HELLS: variants seen among roughly 807,000 people sequenced by gnomAD.
HELLS encodes helicase, lymphoid specific.
Under a neutral mutation model 120.0 loss-of-function variants are expected in HELLS, and 32 were observed. The observed-to-expected ratio is 0.27, with a 90% CI of 0.20 to 0.36. HELLS has a LOEUF of 0.36. HELLS is among the 10% of genes least tolerant of loss of function. The pLI is 1.00. For synonymous variants in HELLS, 341 were observed against 323.4 expected (o/e 1.05, Z -0.58); for missense variants, 650 against 993.4 (o/e 0.65, Z 4.65).
rs147935912 is a variant in HELLS at position 94,559,526 on chromosome 10, A to G, written c.333+1331A>G. Among the ~76,000 whole-genome samples the G allele has an allele frequency of 8.5e-3, 1,291 of 151,540 alleles. 18 individuals are homozygous for G. The highest frequency in any genetic ancestry group is 0.03 in the African/African-American group (1,236 of 41,288). On this transcript the variant is annotated intron_variant, in intron 4 of 21. Coordinates refer to ENST00000348459, the MANE Select transcript of HELLS (RefSeq NM_018063.5). ...AGTGGTGCAATCTTAGCTCACTGCTACCTCCACCTCCTGGGTTCAAGCAAT... is the reference window on the plus strand; with the variant it reads ...AGTGGTGCAATCTTAGCTCACTGCTGCCTCCACCTCCTGGGTTCAAGCAAT...
chr10:94,554,644 G>GTT lies in HELLS; in HGVS notation c.276+406_276+407dup, dbSNP rs199878580. Reference sequence around the variant, plus strand: ...TCCTTGGAATCTTCAAAGTAATAGTGTTTTTTTTTTTGTTTTTTTTTTTTT... The same window carrying GTT: ...TCCTTGGAATCTTCAAAGTAATAGTGTTTTTTTTTTTTTGTTTTTTTTTTTTT... On this transcript the variant is annotated intron_variant, in intron 3 of 21. Coordinates refer to ENST00000348459, the MANE Select transcript of HELLS (RefSeq NM_018063.5). Among the ~76,000 whole-genome samples the GTT allele has an allele frequency of 3.2e-3, 329 of 102,846 alleles. 14 individuals carry two copies. The highest frequency in any genetic ancestry group is 4.4e-3 in the African/African-American group (115 of 25,878). 67.5% of individuals were successfully genotyped at this position (102,846 alleles called of 152,430 possible).
chr10:94,594,551 C>T, intron 18 of HELLS, 144 bp from the exon 19 acceptor site: 1 of 537,246 alleles, frequency 1.9e-6, no homozygotes. Flanking sequence ...ATAATTTTGT[C>T]TATGAAGCCA....
intron 3 of HELLS, 99 bp downstream of exon 3, chr10:94,554,347 G>C (rs11188020): frequency 2.3e-6 from 2 of 860,112 alleles, no homozygotes; most frequent in African/African-American, 3.6e-5. Flanking sequence ...CAGATTTTAA[G>C]TGTACGGTTT....
intron 13 of HELLS, among the ~76,000 whole-genome samples, 166 bp from the exon 14 acceptor site, chr10:94,590,247 C>A (rs1845415440): frequency 6.6e-6 from 1 of 152,182 alleles, no homozygotes; most frequent in Non-Finnish European, 1.5e-5. Flanking sequence ...CTTCCTCTTA[C>A]TTTCAGATAT....
chr10:94,575,379 G>A lies in HELLS; in HGVS notation c.888+643G>A, dbSNP rs532939017. Among the ~76,000 whole-genome samples the A allele has an allele frequency of 2.0e-5, 3 of 151,660 alleles. No individual in the cohort carries two copies. The South Asian group carries it at 6.2e-4, about 32-fold the overall frequency. On this transcript the variant is annotated intron_variant, in intron 9 of 21. Coordinates refer to ENST00000348459, the MANE Select transcript of HELLS (RefSeq NM_018063.5). ...CTCTCAAAGTACTGGGATTATAGAC[G>A]TGAGCCACTGTACCTCCCGGGCCCA...
chr10:94,592,683 ATTTT>A (rs567150126), intron 17 of HELLS, among the ~76,000 whole-genome samples, 169 bp downstream of exon 17: 2 of 152,154 alleles, frequency 1.3e-5, no homozygotes, highest in African/African-American at 4.8e-5. Flanking sequence ...AGAAGTCTTA[ATTTT>A]TGATTCACAA....
downstream of HELLS, among the ~76,000 whole-genome samples, chr10:94,606,313 G>A (rs376244193): frequency 3.9e-5 from 6 of 151,916 alleles, no homozygotes; most frequent in East Asian, 5.8e-4. Flanking sequence ...GGAGGGTTTT[G>A]TCTTTTGAAT....
exon 10 of HELLS, chr10:94,611,129 A>G (rs1170700231): frequency 6.6e-6 from 1 of 152,142 alleles, no homozygotes; most frequent in African/African-American, 2.4e-5. Flanking sequence ...TACTGAAGGG[A>G]CTTTCATGAT....
intron 6 of HELLS, among the ~76,000 whole-genome samples, chr10:94,565,731 A>C (rs1178247426): frequency 6.6e-6 from 1 of 152,320 alleles, no homozygotes; most frequent in East Asian, 1.9e-4. Context: ...ACTGAAGTTT[A>C]GCCAGTCATA....
At chr10:94,580,117 G>C (rs1246379593) in intron 10 of HELLS, among the ~76,000 whole-genome samples, 1 of 65,490 alleles carries the variant, frequency 1.5e-5, no homozygotes, top group Non-Finnish European at 2.7e-5. Flanking sequence ...CATTATAAAA[G>C]TATATATATA....
intron 4 of HELLS, 46 bp from the exon 5 acceptor site, chr10:94,562,645 A>G (rs1198814709): frequency 4.5e-6 from 6 of 1,329,968 alleles, no homozygotes; most frequent in Non-Finnish European, 6.4e-6. Context: ...GTATAATACT[A>G]TGAAGGTCCT....
chr10:94,569,931 T>TAG (rs1455370801), intron 6 of HELLS: 1 of 152,234 alleles, frequency 6.6e-6, no homozygotes, highest in Non-Finnish European at 1.5e-5. Flanking sequence ...ATTCTAGACT[T>TAG]TACTGATTGT....
At chr10:94,547,873 C>T (rs1402820045) in intron 2 of HELLS, among the ~76,000 whole-genome samples, 6 of 152,086 alleles carry the variant, frequency 3.9e-5, no homozygotes, top group Non-Finnish European at 8.8e-5. Flanking sequence ...ATACTCCTTC[C>T]GTTATTACTG....
chr10:94,567,577 A>G (rs910595281), intron 6 of HELLS, among the ~76,000 whole-genome samples: 7 of 152,174 alleles, frequency 4.6e-5, no homozygotes, highest in Non-Finnish European at 1.0e-4. Context: ...GATTACAGGC[A>G]TGAGCCACTG....
chr10:94,585,517 G>A (rs1382577259), intron 12 of HELLS, among the ~76,000 whole-genome samples: 1 of 151,068 alleles, frequency 6.6e-6, no homozygotes, highest in East Asian at 1.9e-4. Flanking sequence ...GAGCAGCTGG[G>A]ATTACAGGCG....
intron 12 of HELLS, 133 bp from the exon 13 acceptor site, chr10:94,588,092 ATATT>A: frequency 4.2e-6 from 2 of 480,296 alleles, no homozygotes; most frequent in Non-Finnish European, 7.2e-6. Flanking sequence ...AAATCTCAAG[ATATT>A]TTCACCTTTT....
chr10:94,592,117 T>C, intron 15 of HELLS, 112 bp from the exon 16 acceptor site: 1 of 698,042 alleles, frequency 1.4e-6, no homozygotes. Context: ...GGTCAGTTTT[T>C]AAGTTTTTTA....
intron 2 of HELLS, among the ~76,000 whole-genome samples, chr10:94,549,570 T>C (rs1842888077): frequency 6.6e-6 from 1 of 152,116 alleles, no homozygotes; most frequent in Non-Finnish European, 1.5e-5. Flanking sequence ...ATGATATGTG[T>C]AGGCTAAAAT....
chr10:94,606,919 TGA>T (rs1846135726), downstream of HELLS, among the ~76,000 whole-genome samples: 1 of 152,294 alleles, frequency 6.6e-6, no homozygotes, highest in African/African-American at 2.4e-5. Flanking sequence ...TATATGTATA[TGA>T]GAGAGAATAT....
Sources: allele counts gnomAD v4.1 joint callset (sites outside exome capture counted in the v4.1 genomes callset), GRCh38; gene constraint gnomAD v4.1.1; transcripts MANE v1.5; gene names NCBI Gene and HGNC (gene_info 2026-07-23, HGNC 2026-07-21).